The following STXBP5L variants were observed in gnomAD, a reference collection of about 807,000 sequenced individuals.
STXBP5L encodes syntaxin-binding protein 5-like.
STXBP5L carries 65 observed loss-of-function variants against 144.5 expected under a neutral mutation model. The ratio of observed to expected loss-of-function variants is 0.45; its 90% CI spans 0.37 to 0.55. The LOEUF (loss-of-function observed/expected upper bound fraction) is 0.55, where lower values mean the gene tolerates loss of function less well. Ranked by LOEUF, STXBP5L falls within the 20% of genes least tolerant of loss-of-function variation. The probability of loss-of-function intolerance (pLI) is 0.00; values close to 1 mark genes in which losing one functional copy is unlikely to be tolerated. For missense variants in STXBP5L, 1,298 were observed against 1,405.5 expected (o/e 0.92, Z 1.22); for synonymous variants, 505 against 469.6 (o/e 1.08, Z -0.97).
chr3:121,051,142 T>G (rs1947952313), intron 5 of STXBP5L, among the ~76,000 whole-genome samples: 1 of 152,162 alleles, frequency 6.6e-6, no homozygotes, highest in Admixed American at 6.5e-5. Context: ...AATGGGAGAC[T>G]TTAACACCCC....
intron 22 of STXBP5L, among the ~76,000 whole-genome samples, chr3:121,389,252 T>A (rs2046511512): frequency 2.6e-5 from 4 of 152,330 alleles, no homozygotes; most frequent in Admixed American, 1.3e-4. Context: ...TTTATCATTT[T>A]TATTGCGTCT....
intron 10 of STXBP5L, among the ~76,000 whole-genome samples, chr3:121,206,488 T>A (rs888532538): frequency 1.2e-4 from 18 of 152,114 alleles, no homozygotes; most frequent in Admixed American, 6.5e-4. Flanking sequence ...AATAATAATA[T>A]TTAGTAAAAT....
chr3:120,969,511 T>A (rs567429617), intron 3 of STXBP5L, among the ~76,000 whole-genome samples: 1 of 150,848 alleles, frequency 6.6e-6, no homozygotes, highest in East Asian at 1.9e-4. Flanking sequence ...GTTGTCTGTT[T>A]GCTGATTATT....
chr3:121,037,192 GA>G (rs1486516601), intron 3 of STXBP5L, among the ~76,000 whole-genome samples: 1 of 150,684 alleles, frequency 6.6e-6, no homozygotes, highest in African/African-American at 2.4e-5. Context: ...TTTGGCTTCC[GA>G]AAGTATTGGG....
intron 3 of STXBP5L, among the ~76,000 whole-genome samples, chr3:121,010,411 A>G (rs591475): frequency 0.38 from 56,752 of 151,336 alleles, 10,837 homozygotes; most frequent in Non-Finnish European, 0.4. Flanking sequence ...GGTGTCTAAT[A>G]TTAGTCTTCT....
At chr3:121,005,886 T>A (rs1432339106) in intron 3 of STXBP5L, among the ~76,000 whole-genome samples, 2 of 152,200 alleles carry the variant, frequency 1.3e-5, no homozygotes, top group African/African-American at 2.4e-5. Context: ...TAATCCTGAC[T>A]TCTAGTTTGA....
Position 121,388,526 on chromosome 3 carries a change from G to A in STXBP5L, c.2587+6994G>A, listed in dbSNP as rs571974251. Among the ~76,000 whole-genome samples, 15 of 152,170 alleles carry A rather than the reference G, an allele frequency of 9.9e-5. No individual in the cohort carries two copies. The South Asian group carries it at 1.0e-3, about 11-fold the overall frequency. ...CCCAGTCAGCATGATATTGGCTGTG[G>A]GTTTGTCATAAATAGGTCGTATTAT... On this transcript the variant is annotated intron_variant, in intron 22 of 26. Transcript: ENST00000471454.
chr3:120,987,240 C>T (rs1001858629), intron 3 of STXBP5L, among the ~76,000 whole-genome samples: 1 of 151,900 alleles, frequency 6.6e-6, no homozygotes, highest in Non-Finnish European at 1.5e-5. Flanking sequence ...TTCCCACCAG[C>T]AGTGTATGAA....
intron 3 of STXBP5L, among the ~76,000 whole-genome samples, chr3:120,969,605 T>G (rs950234895): frequency 1.3e-5 from 2 of 151,972 alleles, no homozygotes; most frequent in African/African-American, 4.8e-5. Flanking sequence ...GTCTTAGGCA[T>G]GAATTCTTGC....
chr3:121,095,947 C>T (rs935540833), intron 5 of STXBP5L, among the ~76,000 whole-genome samples: 9 of 152,120 alleles, frequency 5.9e-5, no homozygotes, highest in Non-Finnish European at 1.0e-4. Context: ...ATGATGGTGA[C>T]GTACAGATGG....
intron 5 of STXBP5L, among the ~76,000 whole-genome samples, chr3:121,081,920 A>C (rs1261475716): frequency 1.3e-5 from 2 of 152,202 alleles, no homozygotes; most frequent in Non-Finnish European, 2.9e-5. Context: ...TGGCTGTTCA[A>C]ATCAGACAGG....
intron 5 of STXBP5L, among the ~76,000 whole-genome samples, chr3:121,052,409 G>T (rs1311749417): frequency 6.6e-6 from 1 of 152,262 alleles, no homozygotes; most frequent in South Asian, 2.1e-4. Context: ...GATCAAGTGG[G>T]CTTCATCCCT....
At chr3:121,044,617 G>A (rs188084148) in intron 4 of STXBP5L, among the ~76,000 whole-genome samples, 1 of 152,056 alleles carries the variant, frequency 6.6e-6, no homozygotes, top group African/African-American at 2.4e-5. Context: ...GGTAAGCATC[G>A]ACATTTTCAG....
At chr3:121,187,867 GA>G (rs879836509) in intron 9 of STXBP5L, among the ~76,000 whole-genome samples, 1,938 of 137,324 alleles carry the variant, frequency 0.014, 27 homozygotes, top group African/African-American at 0.032. Flanking sequence ...CAAATGGAAA[GA>G]AAAAAAAAAA....
At chr3:120,960,314 C>T (rs1009800429) in intron 3 of STXBP5L, among the ~76,000 whole-genome samples, 1 of 152,100 alleles carries the variant, frequency 6.6e-6, no homozygotes, top group African/African-American at 2.4e-5. Flanking sequence ...GTTGGTGGGA[C>T]TGTAAACTAG....
intron 19 of STXBP5L, among the ~76,000 whole-genome samples, chr3:121,313,932 G>A (rs2043671833): frequency 6.7e-6 from 1 of 149,318 alleles, no homozygotes; most frequent in Non-Finnish European, 1.5e-5. Flanking sequence ...TTGCGGCCCA[G>A]CAGAAGCGCT....
rs1421019255 is a variant in STXBP5L at position 121,338,508 on chromosome 3, G to T, written c.2176+19968G>T. On this transcript the variant is annotated intron_variant, in intron 20 of 26. Transcript: ENST00000471454. ...AAAATACAAAAATTAGCTGGGGGTG[G>T]TGGTGCCGCCTGTAATCCCAGCTAC... 2.0e-5 allele frequency among the ~76,000 whole-genome samples: 3 copies of T among 150,022 alleles called. No homozygotes were observed. The East Asian group carries it at 5.9e-4, about 30-fold the overall frequency.
At position 121,123,433 on chromosome 3, in the gene STXBP5L, A is replaced by G. The variant is rs146725720; in HGVS notation, c.669+1729A>G. On this transcript the variant is annotated intron_variant, in intron 7 of 26. Coordinates refer to ENST00000471454, the MANE Select transcript of STXBP5L (RefSeq NM_001308330.2). ...TGAATAAATGAATGCTGATGTATTC[A>G]TACTGTGGAATGCTGTGTTGATATG... Among the ~76,000 whole-genome samples, 689 of 151,842 alleles carry G rather than the reference A, an allele frequency of 4.5e-3. 4 individuals are homozygous for G. Among genetic ancestry groups the G allele is most frequent in the African/African-American group, 0.016 (657 of 41,560 alleles).
rs547422332 is a variant in STXBP5L, at chr3:121,141,149, A to T, written c.670-11328A>T. On this transcript the variant is annotated intron_variant, in intron 7 of 26. Coordinates refer to ENST00000471454, the MANE Select transcript of STXBP5L (RefSeq NM_001308330.2). ...GCCAGACATGGTGGCTTACACCTGT[A>T]ATCCCAGCACTTGTGAGGCCAAGCC... 1.3e-4 allele frequency among the ~76,000 whole-genome samples: 20 copies of T among 152,338 alleles called. No homozygotes were observed. In the South Asian group the frequency reaches 3.9e-3, roughly 30 times the overall value.
Sources: allele counts gnomAD v4.1 joint callset (sites outside exome capture counted in the v4.1 genomes callset), GRCh38; gene constraint gnomAD v4.1.1; transcripts MANE v1.5; gene names NCBI Gene and HGNC (gene_info 2026-07-23, HGNC 2026-07-21).